The following STRN variants were observed in gnomAD, a reference collection of about 807,000 sequenced individuals.
STRN encodes striatin.
Under a neutral mutation model 96.3 loss-of-function variants are expected in STRN, and 53 were observed. That is an observed-to-expected ratio of 0.55 (90% confidence interval 0.44 to 0.69). The LOEUF (loss-of-function observed/expected upper bound fraction) is 0.69. STRN is among the 30% of genes least tolerant of loss of function. The pLI, the probability that STRN is intolerant of heterozygous loss-of-function variation, is 0.00. For synonymous variants in STRN, 428 were observed against 355.9 expected (o/e 1.20, Z -2.28); for missense variants, 987 against 963.9 (o/e 1.02, Z -0.32).
intron 1 of STRN, among the ~76,000 whole-genome samples, chr2:36,946,594 C>T (rs544430809): frequency 4.6e-5 from 7 of 152,242 alleles, no homozygotes; most frequent in Admixed American, 1.3e-4. Flanking sequence ...ATGTGGTATA[C>T]ACTAAATTGT....
At chr2:36,872,888 A>C (rs1486469819) in intron 10 of STRN, among the ~76,000 whole-genome samples, 1 of 152,204 alleles carries the variant, frequency 6.6e-6, no homozygotes, top group Non-Finnish European at 1.5e-5. Context: ...CTGAAGAAAA[A>C]CCAGGCCAAA....
At chr2:36,891,522 C>CAA (rs66993681) in intron 7 of STRN, among the ~76,000 whole-genome samples, 48 of 149,120 alleles carry the variant, frequency 3.2e-4, no homozygotes, top group East Asian at 5.9e-4. Context: ...GAGACTCTGT[C>CAA]AAAAAAAAAA....
At chr2:36,887,523 G>C (rs1181019653) in intron 7 of STRN, among the ~76,000 whole-genome samples, 1 of 151,548 alleles carries the variant, frequency 6.6e-6, no homozygotes, top group Non-Finnish European at 1.5e-5. Context: ...AATTCCTCTA[G>C]GACTAACACA....
rs567417154 is a variant in STRN, at chr2:36,884,479, T to C, written c.1043-404A>G. ...TTAATTGCCTTACATCCTGAAGCTA[T>C]GGTACCCGAGGTGAAGTCTCATGCC... On this transcript the variant is annotated intron_variant, in intron 8 of 17. Coordinates refer to ENST00000263918, the MANE Select transcript of STRN (RefSeq NM_003162.4). 2.4e-4 allele frequency among the ~76,000 whole-genome samples: 37 copies of C among 152,324 alleles called. No homozygotes were observed. The South Asian group carries it at 7.5e-3, about 31-fold the overall frequency.
intron 14 of STRN, 44 bp downstream of exon 14, chr2:36,857,812 T>C (rs760321412): frequency 6.8e-7 from 1 of 1,481,006 alleles, no homozygotes; most frequent in Non-Finnish European, 9.2e-7. Flanking sequence ...CAGAATAAAC[T>C]GTTTTATAGA....
Position 36,857,838 on chromosome 2 carries a change from A to G in STRN, c.1837+18T>C, listed in dbSNP as rs1225370395. 6.3e-7 allele frequency: 1 copy of G among 1,594,834 alleles called. No individual in the cohort carries two copies. The highest frequency in any genetic ancestry group is 2.2e-5 in the East Asian group (1 of 44,476). On this transcript the variant is annotated intron_variant, in intron 14 of 17. Coordinates refer to ENST00000263918, the MANE Select transcript of STRN (RefSeq NM_003162.4). ...GTTTTATAGAGGATTCAGCAAAATA[A>G]TTTTTTAAAGTATGTACCTTTAGTA...
intron 4 of STRN, among the ~76,000 whole-genome samples, chr2:36,905,192 C>T (rs1375295774): frequency 6.6e-6 from 1 of 152,098 alleles, no homozygotes; most frequent in African/African-American, 2.4e-5. Context: ...TGGTCTCAAA[C>T]TCCTGACTTC....
chr2:36,849,611 T>C lies in STRN; in HGVS notation c.2188A>G (p.Ile730Val), dbSNP rs373594803. 1.4e-4 allele frequency: 221 copies of C among 1,613,986 alleles called. 1 individual carries two copies. Among genetic ancestry groups the C allele is most frequent in the Non-Finnish European group, 1.7e-4 (206 of 1,180,008 alleles). ...YLMSGSHDCS[I>V]RLWNLESKTC... ...TTACTTTCTAGATTCCATAAACGTA[T>C]TGAACAGTCATGACCTATATCCAAA... is the stretch of plus-strand genomic sequence containing the variant. The change falls in exon 18 of 18, where the codon ATA (isoleucine) becomes GTA (valine). Residue 730 changes from isoleucine (I) to valine (V), a missense_variant. Physicochemically the swap from Ile to Val is conservative, Grantham distance 29. Coordinates refer to ENST00000263918, the MANE Select transcript of STRN (RefSeq NM_003162.4).
intron 2 of STRN, among the ~76,000 whole-genome samples, chr2:36,924,149 G>T (rs775482309): frequency 1.9e-4 from 29 of 152,088 alleles, no homozygotes; most frequent in Non-Finnish European, 4.1e-4. Context: ...GAGGTCAGGA[G>T]ATCAAGACCA....
chr2:36,966,153 G>T (rs1572707436), intron 1 of STRN, 77 bp downstream of exon 1: 2 of 1,361,714 alleles, frequency 1.5e-6, no homozygotes, highest in East Asian at 3.1e-5. Context: ...GGCTGGGGGA[G>T]GGGGAGAAGG....
intron 8 of STRN, among the ~76,000 whole-genome samples, chr2:36,884,452 C>G (rs1277640134): frequency 6.6e-6 from 1 of 152,156 alleles, no homozygotes; most frequent in Non-Finnish European, 1.5e-5. Flanking sequence ...AATTAAGTTG[C>G]ATTAATTGCC....
At chr2:36,866,459 A>C (rs1668625499) in intron 12 of STRN, among the ~76,000 whole-genome samples, 1 of 152,144 alleles carries the variant, frequency 6.6e-6, no homozygotes, top group Non-Finnish European at 1.5e-5. Flanking sequence ...AATGGTCAGG[A>C]GTGTGGTTGA....
At chr2:36,957,524 G>A (rs1194733689) in intron 1 of STRN, among the ~76,000 whole-genome samples, 1 of 152,020 alleles carries the variant, frequency 6.6e-6, no homozygotes, top group Non-Finnish European at 1.5e-5. Context: ...GAAGGCAGAG[G>A]TTGCAGTAAG....
intron 3 of STRN, among the ~76,000 whole-genome samples, chr2:36,906,721 T>A (rs1289872314): frequency 6.6e-6 from 1 of 151,124 alleles, no homozygotes; most frequent in African/African-American, 2.4e-5. Flanking sequence ...AGGTCAGGAG[T>A]TTGAGACCAG....
At chr2:36,942,367 T>C (rs925528488) in intron 1 of STRN, among the ~76,000 whole-genome samples, 19 of 152,092 alleles carry the variant, frequency 1.2e-4, no homozygotes, top group African/African-American at 4.1e-4. Flanking sequence ...ATGAGAAAAA[T>C]ATCACCTCTA....
intron 1 of STRN, among the ~76,000 whole-genome samples, chr2:36,945,406 G>A (rs753815759): frequency 4.6e-5 from 7 of 152,178 alleles, no homozygotes; most frequent in African/African-American, 7.2e-5. Context: ...GGTGGCTCGC[G>A]CCTGTAATCC....
In STRN at chr2:36,886,801, A is replaced by T. The variant is rs746609804; in HGVS notation, c.957T>A (p.Pro319=). Residue 319 remains proline (P), a synonymous_variant, in exon 8 of 18, where the codon CCT becomes CCA. Transcript: ENST00000263918. ...DWEKEDQCLM[P]EAWNVDQGVI... ...CTCCCTGGTCCACATTCCAGGCTTC[A>T]GGCATGAGACACTGGTCTTCCTTTT... The T allele has an allele frequency of 6.2e-7, 1 of 1,613,120 alleles. No individual in the cohort carries two copies. Among genetic ancestry groups the T allele is most frequent in the Admixed American group, 1.7e-5 (1 of 59,884 alleles).
At chr2:36,856,907 C>T (rs538325600) in intron 14 of STRN, among the ~76,000 whole-genome samples, 2 of 152,114 alleles carry the variant, frequency 1.3e-5, no homozygotes, top group Non-Finnish European at 2.9e-5. Context: ...GTAAAACATG[C>T]CTCCTGTCCC....
At chr2:36,921,966 A>G (rs548953348) in intron 2 of STRN, among the ~76,000 whole-genome samples, 5 of 152,364 alleles carry the variant, frequency 3.3e-5, no homozygotes, top group African/African-American at 4.8e-5. Context: ...AATATAGACT[A>G]TATCAGATAA....
Sources: gnomAD v4.1 joint callset for allele counts (sites outside exome capture counted in the v4.1 genomes callset) on GRCh38, gnomAD v4.1.1 for gene constraint, MANE v1.5 for transcripts, NCBI Gene and HGNC (gene_info 2026-07-23, HGNC 2026-07-21) for gene names.